Variants in DLG5 observed in about 807,000 individuals in gnomAD.
The protein encoded by DLG5 is disks large homolog 5.
Under a neutral mutation model 189.8 loss-of-function variants are expected in DLG5, and 48 were observed. That is an observed-to-expected ratio of 0.25 (90% CI 0.20 to 0.32). The LOEUF (loss-of-function observed/expected upper bound fraction) is 0.32, where lower values mean the gene tolerates loss of function less well. Among genes scored for constraint, DLG5 ranks in the 10% least tolerant of loss-of-function variants. The pLI is 1.00. For synonymous variants in DLG5, 1,016 were observed against 1,054.1 expected, an observed-to-expected ratio of 0.96 and a Z score of 0.70; for missense variants, 2,160 against 2,544.7, an observed-to-expected ratio of 0.85 and a Z score of 3.25.
At chr10:77,794,229 G>C (rs1840788759) in intron 30 of DLG5, 112 bp from the exon 31 acceptor site, 1 of 859,442 alleles carries the variant, frequency 1.2e-6, no homozygotes, top group African/African-American at 1.7e-5. Context: ...GCTGTGGAGG[G>C]AGGCCCCATG....
chr10:77,913,036 G>A, intron 1 of DLG5, among the ~76,000 whole-genome samples: 1 of 152,052 alleles, frequency 6.6e-6, no homozygotes, highest in Non-Finnish European at 1.5e-5. Context: ...TACAGATCTG[G>A]CTCTCACCTA....
At chr10:77,931,369 C>A (rs952288399), upstream of DLG5, among the ~76,000 whole-genome samples, 1 of 152,124 alleles carries the variant, frequency 6.6e-6, no homozygotes, top group Non-Finnish European at 1.5e-5. Flanking sequence ...CCACCTCAGC[C>A]TCCCAAGTAG....
intron 13 of DLG5, among the ~76,000 whole-genome samples, chr10:77,826,916 C>T (rs1308066846): frequency 6.6e-6 from 1 of 152,102 alleles, no homozygotes; most frequent in Non-Finnish European, 1.5e-5. Flanking sequence ...CCATTGTACT[C>T]CAGCCTGGGC....
At chr10:77,896,659 G>A (rs1845768782) in intron 1 of DLG5, among the ~76,000 whole-genome samples, 1 of 152,062 alleles carries the variant, frequency 6.6e-6, no homozygotes, top group African/African-American at 2.4e-5. Context: ...CAGCAAATAT[G>A]GTGAAACCCT....
At chr10:77,830,619 C>T (rs1189187815) in intron 10 of DLG5, 122 bp downstream of exon 10, 26 of 1,475,428 alleles carry the variant, frequency 1.8e-5, no homozygotes, top group Non-Finnish European at 2.3e-5. Context: ...GCCTCACACT[C>T]CTGGGAGGAA....
intron 1 of DLG5, among the ~76,000 whole-genome samples, chr10:77,882,667 T>C (rs925730669): frequency 3.3e-5 from 5 of 151,694 alleles, no homozygotes; most frequent in African/African-American, 1.2e-4. Flanking sequence ...ATCCCAGCAC[T>C]CTGGGAGGCT....
chr10:77,825,806 C>T (rs1485523301), intron 13 of DLG5, among the ~76,000 whole-genome samples: 2 of 152,144 alleles, frequency 1.3e-5, no homozygotes, highest in Non-Finnish European at 2.9e-5. Flanking sequence ...ATCCACCCGC[C>T]TCGGCCTCCC....
chr10:77,842,990 ACT>A, intron 6 of DLG5, among the ~76,000 whole-genome samples: 1 of 152,202 alleles, frequency 6.6e-6, no homozygotes, highest in South Asian at 2.1e-4. Context: ...TCTACAAAAC[ACT>A]GTTTGAGGGC....
chr10:77,854,621 A>G (rs1366106154), intron 3 of DLG5, among the ~76,000 whole-genome samples: 2 of 152,168 alleles, frequency 1.3e-5, no homozygotes, highest in African/African-American at 2.4e-5. Flanking sequence ...GAAGGTGCCA[A>G]CTTGTTCTGC....
intron 12 of DLG5, 81 bp downstream of exon 12, chr10:77,829,274 C>G: frequency 1.3e-6 from 2 of 1,582,050 alleles, no homozygotes; most frequent in Non-Finnish European, 1.7e-6. Flanking sequence ...ATGAGGTGCT[C>G]TAAGGGGCAC....
chr10:77,928,183 T>G (rs1346150287), upstream of DLG5: 1 of 152,232 alleles, frequency 6.6e-6, no homozygotes, highest in Non-Finnish European at 1.5e-5. Flanking sequence ...TGCTGATCTG[T>G]TTTGTCCTTA....
rs75121801 is a variant in DLG5, at chr10:77,907,843, C to T, written c.304+18374G>A. On this transcript the variant is annotated intron_variant, in intron 1 of 31. Coordinates refer to ENST00000372391, the MANE Select transcript of DLG5 (RefSeq NM_004747.4). ...CTCCTAAACTGACTCCTGAGTAACC[C>T]GGCCTTCCTTACCTGTTTCCTCACT... Among the ~76,000 whole-genome samples, 113 of 152,264 alleles carry T rather than the reference C, an allele frequency of 7.4e-4. No individual in the cohort carries two copies. In the East Asian group the frequency reaches 0.017, roughly 23 times the overall value.
intron 18 of DLG5, among the ~76,000 whole-genome samples, chr10:77,817,333 C>T (rs1306352583): frequency 5.3e-5 from 8 of 152,206 alleles, no homozygotes; most frequent in Admixed American, 2.0e-4. Context: ...CTTCCAGCCA[C>T]GGAACAGCAG....
intron 1 of DLG5, among the ~76,000 whole-genome samples, chr10:77,875,117 G>A (rs1045652373): frequency 1.3e-5 from 2 of 152,296 alleles, no homozygotes; most frequent in Admixed American, 6.5e-5. Flanking sequence ...GCTGAAGGTC[G>A]TGCTAGGGCT....
At chr10:77,841,445 A>G (rs1843410324) in intron 7 of DLG5, among the ~76,000 whole-genome samples, 1 of 152,232 alleles carries the variant, frequency 6.6e-6, no homozygotes, top group Non-Finnish European at 1.5e-5. Context: ...TGAGATGCAC[A>G]CTGCTGGTGA....
chr10:77,912,270 G>A (rs1029227888), intron 1 of DLG5: 6 of 151,298 alleles, frequency 4.0e-5, no homozygotes, highest in African/African-American at 1.5e-4. Context: ...TATTTATAGA[G>A]ATGGGGTAGG....
Position 77,806,242 on chromosome 10 carries a change from G to C in DLG5, c.4968-381C>G, listed in dbSNP as rs1269587788. The C allele has an allele frequency of 1.1e-5, 3 of 262,240 alleles. No homozygotes were observed. The Admixed American group carries it at 1.5e-4, about 13-fold the overall frequency. The allele number at this position is 262,240 out of a possible 1,614,324, so 16.2% of individuals were successfully genotyped here. On this transcript the variant is annotated intron_variant, in intron 26 of 31. Coordinates refer to ENST00000372391, the MANE Select transcript of DLG5 (RefSeq NM_004747.4). ...ACATGCTCAGTGACAGGAGCCAGAT[G>C]AAAGGCCACACTATGCAATCCCAAC...
At chr10:77,883,363 A>G (rs1149720) in intron 1 of DLG5, among the ~76,000 whole-genome samples, 110,729 of 152,032 alleles carry the variant, frequency 0.73, 40,938 homozygotes, top group African/African-American at 0.86. Flanking sequence ...GCAGAGGATT[A>G]AAGGAGGAGG....
intron 1 of DLG5, among the ~76,000 whole-genome samples, chr10:77,898,020 G>A (rs1001553563): frequency 6.6e-6 from 1 of 152,164 alleles, no homozygotes; most frequent in Non-Finnish European, 1.5e-5. Context: ...CCATTCAGGA[G>A]TGTGGGACCA....
Sources: gnomAD v4.1 joint callset for allele counts (sites outside exome capture counted in the v4.1 genomes callset) on GRCh38, gnomAD v4.1.1 for gene constraint, MANE v1.5 for transcripts, NCBI Gene and HGNC (gene_info 2026-07-23, HGNC 2026-07-21) for gene names.